Variants in FRMPD4 observed in about 807,000 individuals in gnomAD.
The protein encoded by FRMPD4 is FERM and PDZ domain containing 4, also known as FERM and PDZ domain-containing protein 4.
Under a neutral mutation model 94.1 loss-of-function variants are expected in FRMPD4, and 22 were observed. The observed-to-expected ratio is 0.23, with a 90% CI of 0.17 to 0.33. The LOEUF (loss-of-function observed/expected upper bound fraction) is 0.33. Ranked by LOEUF, FRMPD4 falls within the 10% of genes least tolerant of loss-of-function variation. The pLI is 1.00. For missense variants in FRMPD4, 1,111 were observed against 1,339.9 expected, an observed-to-expected ratio of 0.83 and a Z score of 2.67; for synonymous variants, 631 against 548.6, an observed-to-expected ratio of 1.15 and a Z score of -2.10.
At chrX:12,233,278 T>C (rs1466786745) in intron 1 of FRMPD4, among the ~76,000 whole-genome samples, 2 of 112,250 alleles carry the variant, frequency 1.8e-5, no homozygotes, top group Non-Finnish European at 3.8e-5. Context: ...GAATGCCAAG[T>C]TAAATTTGGA....
rs142745670 is a variant in FRMPD4 at position 12,315,584 on chromosome X, A to G, written c.41+176572A>G. Among the ~76,000 whole-genome samples the G allele has an allele frequency of 4.6e-3, 513 of 112,062 alleles. 4 individuals carry two copies. Among genetic ancestry groups the G allele is most frequent in the African/African-American group, 0.016 (493 of 30,848 alleles). ...CTGAGAATAAGAAGGAGAAACGTGG[A>G]TAAAAAAATATGCAGATTTTCAAGG... On this transcript the variant is annotated intron_variant, in intron 1 of 16. Coordinates refer to ENST00000675598, the MANE Select transcript of FRMPD4 (RefSeq NM_001368397.1).
chrX:12,705,311 C>A (rs960981682), intron 11 of FRMPD4, among the ~76,000 whole-genome samples: 2 of 111,649 alleles, frequency 1.8e-5, no homozygotes, highest in Non-Finnish European at 1.9e-5. Flanking sequence ...ATTCCAGGAA[C>A]CAGAAAGAGA....
intron 1 of FRMPD4, among the ~76,000 whole-genome samples, chrX:12,332,133 T>G (rs1475995945): frequency 1.2e-5 from 1 of 84,812 alleles, no homozygotes; most frequent in Non-Finnish European, 2.2e-5. Context: ...TTTTATATAT[T>G]ATATATAATT....
intron 1 of FRMPD4, among the ~76,000 whole-genome samples, chrX:12,404,090 C>T (rs917130175): frequency 8.9e-6 from 1 of 112,349 alleles, no homozygotes; most frequent in African/African-American, 3.2e-5. Flanking sequence ...ATTTAACAGT[C>T]ATTAAGGTTT....
At chrX:12,025,036 C>A (rs959642324) in intron 3 of FRMPD4, among the ~76,000 whole-genome samples, 2 of 105,720 alleles carry the variant, frequency 1.9e-5, no homozygotes, top group Admixed American at 1.0e-4. Context: ...AATTGACCAT[C>A]TTTTATTGTA....
chrX:12,168,479 A>G (rs5979530), intron 1 of FRMPD4, among the ~76,000 whole-genome samples: 5,259 of 111,107 alleles, frequency 0.047, 182 homozygotes, highest in African/African-American at 0.12. Context: ...ACAAAACCGC[A>G]AGAAAATATA....
chrX:11,905,490 A>G (rs17255656), intron 3 of FRMPD4, among the ~76,000 whole-genome samples: 47,352 of 110,356 alleles, frequency 0.43, 7,814 homozygotes, highest in Non-Finnish European at 0.51. Flanking sequence ...CTATCCCTCA[A>G]CAAGAAATCT....
chrX:12,088,205 A>G (rs1569156228), intron 3 of FRMPD4, among the ~76,000 whole-genome samples: 1 of 112,185 alleles, frequency 8.9e-6, no homozygotes, highest in East Asian at 2.8e-4. Flanking sequence ...TGGGAAGTCC[A>G]AGATCAGGTC....
intron 3 of FRMPD4, among the ~76,000 whole-genome samples, chrX:12,613,187 G>A (rs2059199876): frequency 8.9e-6 from 1 of 112,162 alleles, no homozygotes; most frequent in Admixed American, 9.4e-5. Context: ...TATTTGGGAG[G>A]TAATTGCACA....
intron 1 of FRMPD4, among the ~76,000 whole-genome samples, chrX:12,442,533 C>G (rs1425549300): frequency 8.9e-6 from 1 of 111,976 alleles, no homozygotes; most frequent in East Asian, 2.8e-4. Context: ...TAAGATACCA[C>G]TTTACATTCT....
At chrX:12,317,570 C>G (rs1601812633) in intron 1 of FRMPD4, among the ~76,000 whole-genome samples, 1 of 44,555 alleles carries the variant, frequency 2.2e-5, no homozygotes, top group African/African-American at 8.8e-5. Flanking sequence ...ACAAGGAAGT[C>G]AAACAACTAA....
chrX:12,027,549 C>T (rs2054667636), intron 3 of FRMPD4, among the ~76,000 whole-genome samples: 1 of 111,521 alleles, frequency 9.0e-6, no homozygotes, highest in Non-Finnish European at 1.9e-5. Context: ...CATTCTTCAG[C>T]CTTTGCTTCC....
chrX:12,418,889 TTTC>T (rs897275497), intron 1 of FRMPD4, among the ~76,000 whole-genome samples: 2 of 111,876 alleles, frequency 1.8e-5, no homozygotes, highest in African/African-American at 3.3e-5. Context: ...TTTATTTTTG[TTTC>T]TTCTTCTTAA....
upstream of FRMPD4, among the ~76,000 whole-genome samples, chrX:12,136,696 G>A (rs370261589): frequency 3.6e-5 from 4 of 110,743 alleles, no homozygotes; most frequent in African/African-American, 6.6e-5. Context: ...GGAGGGGCTC[G>A]GGGTAGGGGA....
At chrX:12,392,301 A>G (rs2056487283) in intron 1 of FRMPD4, among the ~76,000 whole-genome samples, 1 of 104,124 alleles carries the variant, frequency 9.6e-6, no homozygotes, top group Non-Finnish European at 2.0e-5. Flanking sequence ...TCGACCTCCC[A>G]AAGTGCTGGG....
At chrX:11,907,751 T>G (rs1485994062) in intron 3 of FRMPD4, among the ~76,000 whole-genome samples, 1 of 112,100 alleles carries the variant, frequency 8.9e-6, no homozygotes, top group African/African-American at 3.2e-5. Flanking sequence ...TTCAGTTCAT[T>G]GCAATAACAT....
intron 1 of FRMPD4, among the ~76,000 whole-genome samples, chrX:12,159,355 A>T (rs2055986082): frequency 8.9e-6 from 1 of 111,961 alleles, no homozygotes; most frequent in Non-Finnish European, 1.9e-5. Flanking sequence ...AATTGTAATT[A>T]TGGGTGCCGT....
At chrX:12,354,613 C>G (rs1056486075) in intron 1 of FRMPD4, among the ~76,000 whole-genome samples, 7 of 112,355 alleles carry the variant, frequency 6.2e-5, no homozygotes, top group African/African-American at 1.9e-4. Flanking sequence ...GGATTCAGGC[C>G]AAGACGTCAT....
At chrX:12,245,751 A>G (rs1418463810) in intron 1 of FRMPD4, among the ~76,000 whole-genome samples, 3 of 109,735 alleles carry the variant, frequency 2.7e-5, no homozygotes, top group Non-Finnish European at 5.7e-5. Flanking sequence ...TAGGAGTGGG[A>G]TCCTGATAAG....
Sources: allele counts gnomAD v4.1 joint callset (sites outside exome capture counted in the v4.1 genomes callset), GRCh38; gene constraint gnomAD v4.1.1; transcripts MANE v1.5; gene names NCBI Gene and HGNC (gene_info 2026-07-23, HGNC 2026-07-21).